Variants in IQCJ observed in about 807,000 individuals in gnomAD.
The protein encoded by IQCJ is IQ motif containing J.
In IQCJ, 9 loss-of-function variants were observed where a neutral mutation model predicts 11.0. That is an observed-to-expected ratio of 0.82 (90% CI 0.49 to 1.43). IQCJ has a LOEUF of 1.43. IQCJ is among the 40% of genes most tolerant of loss of function. IQCJ has a pLI of 0.00. For synonymous variants in IQCJ, 55 were observed against 51.3 expected (o/e 1.07, Z -0.31); for missense variants, 146 against 133.2 (o/e 1.10, Z -0.47).
At chr3:159,223,282 T>C (rs2108124895) in intron 1 of IQCJ, among the ~76,000 whole-genome samples, 1 of 152,014 alleles carries the variant, frequency 6.6e-6, no homozygotes, top group East Asian at 1.9e-4. Flanking sequence ...GAAATAAGTG[T>C]CAAAAAGGAA....
intron 1 of IQCJ, among the ~76,000 whole-genome samples, chr3:159,216,688 C>T (rs990727731): frequency 1.3e-5 from 2 of 150,774 alleles, no homozygotes; most frequent in African/African-American, 5.0e-5. Context: ...GACTGACATA[C>T]ATGCATTTTT....
intron 1 of IQCJ, among the ~76,000 whole-genome samples, chr3:159,193,469 C>T (rs903601694): frequency 3.3e-5 from 5 of 152,068 alleles, no homozygotes; most frequent in African/African-American, 1.2e-4. Flanking sequence ...CTGAGTATAC[C>T]CATATGAGTA....
chr3:159,082,523 C>T (rs968087727), intron 1 of IQCJ, among the ~76,000 whole-genome samples: 12 of 150,568 alleles, frequency 8.0e-5, no homozygotes, highest in African/African-American at 2.5e-4. Context: ...AGTGTTGAGG[C>T]GAGAGGCCCA....
intron 1 of IQCJ, among the ~76,000 whole-genome samples, chr3:159,150,941 C>T (rs1485763360): frequency 1.3e-5 from 2 of 152,150 alleles, no homozygotes; most frequent in African/African-American, 4.8e-5. Flanking sequence ...AATATTGCAG[C>T]CCGTGCCATC....
chr3:159,266,296 A>G (rs954460185), downstream of IQCJ: 10 of 152,232 alleles, frequency 6.6e-5, no homozygotes, highest in Admixed American at 5.9e-4. Context: ...TGCATTTCTA[A>G]GACTGCTTTA....
intron 1 of IQCJ, among the ~76,000 whole-genome samples, chr3:159,100,960 C>A (rs1169435657): frequency 7.8e-5 from 2 of 25,618 alleles, no homozygotes; most frequent in Non-Finnish European, 8.4e-5. Flanking sequence ...GGGCGCCCCT[C>A]CCCCAGCCTC....
At chr3:159,265,639 TAATC>T, downstream of IQCJ, 1 of 411,036 alleles carries the variant, frequency 2.4e-6, no homozygotes, top group East Asian at 3.5e-5. Flanking sequence ...TCTCTGGGTT[TAATC>T]TATTGCTGTT....
At chr3:159,255,484 G>A in intron 3 of IQCJ, among the ~76,000 whole-genome samples, 1 of 152,314 alleles carries the variant, frequency 6.6e-6, no homozygotes, top group Non-Finnish European at 1.5e-5. Flanking sequence ...GGTCTCAGAT[G>A]GTTCCTCGTA....
At chr3:159,136,459 T>A (rs1004475840) in intron 1 of IQCJ, among the ~76,000 whole-genome samples, 16 of 152,198 alleles carry the variant, frequency 1.1e-4, no homozygotes, top group African/African-American at 3.9e-4. Flanking sequence ...AAAATGTTTG[T>A]ATTATATCTA....
At chr3:159,237,866 A>T (rs1477487546) in intron 1 of IQCJ, among the ~76,000 whole-genome samples, 1 of 152,192 alleles carries the variant, frequency 6.6e-6, no homozygotes, top group Non-Finnish European at 1.5e-5. Flanking sequence ...TGATTAGTTA[A>T]GTTTATTGGT....
chr3:159,103,826 A>G (rs1718079483), intron 1 of IQCJ, among the ~76,000 whole-genome samples: 1 of 152,268 alleles, frequency 6.6e-6, no homozygotes, highest in Admixed American at 6.5e-5. Flanking sequence ...TAAATCTGGA[A>G]TAGGTACATT....
Position 159,084,712 on chromosome 3 carries a change from A to T in IQCJ, c.9+15271A>T, listed in dbSNP as rs1000091681. On this transcript the variant is annotated intron_variant, in intron 1 of 3. Transcript: ENST00000397832. ...TTACCTTCCCTCCAGCATGAAAGAA[A>T]AGCACTGAATAAAAGCACAGGAATA... 6.6e-5 allele frequency among the ~76,000 whole-genome samples: 10 copies of T among 152,072 alleles called. 1 individual carries two copies. The highest frequency in any genetic ancestry group is 5.9e-4 in the Admixed American group (9 of 15,256).
intron 1 of IQCJ, among the ~76,000 whole-genome samples, chr3:159,206,925 G>T (rs1247910573): frequency 6.6e-6 from 1 of 152,128 alleles, no homozygotes; most frequent in East Asian, 1.9e-4. Flanking sequence ...AGTTTGAAAG[G>T]TACTGTACCT....
chr3:159,226,657 CTAAA>C (rs1251067324), intron 1 of IQCJ, among the ~76,000 whole-genome samples: 29 of 152,100 alleles, frequency 1.9e-4, no homozygotes, highest in African/African-American at 7.0e-4. Flanking sequence ...ATGGGTAAGA[CTAAA>C]TAACATTTCA....
chr3:159,192,708 T>C (rs1218102672), intron 1 of IQCJ, among the ~76,000 whole-genome samples: 1 of 152,182 alleles, frequency 6.6e-6, no homozygotes, highest in African/African-American at 2.4e-5. Context: ...TCAGTGGCCA[T>C]TGCCTGGCGT....
chr3:159,231,320 TTA>T (rs1198831079), intron 1 of IQCJ, among the ~76,000 whole-genome samples: 1 of 152,156 alleles, frequency 6.6e-6, no homozygotes, highest in African/African-American at 2.4e-5. Context: ...GTAGAAATCT[TTA>T]TATATGTGTT....
intron 1 of IQCJ, among the ~76,000 whole-genome samples, chr3:159,155,152 A>G (rs1721445787): frequency 1.3e-5 from 2 of 151,480 alleles, no homozygotes; most frequent in South Asian, 4.1e-4. Flanking sequence ...GGCAGCAACC[A>G]GTTATTTATT....
intron 1 of IQCJ, among the ~76,000 whole-genome samples, chr3:159,075,443 G>A (rs144845754): frequency 6.6e-6 from 1 of 152,154 alleles, no homozygotes; most frequent in African/African-American, 2.4e-5. Flanking sequence ...AGATAAGCTG[G>A]TAACATATTG....
intron 1 of IQCJ, among the ~76,000 whole-genome samples, chr3:159,197,535 A>G (rs1025761716): frequency 1.3e-5 from 2 of 152,202 alleles, no homozygotes; most frequent in Non-Finnish European, 2.9e-5. Context: ...GATAATTTGC[A>G]TAGAATATTA....
Sources: allele counts gnomAD v4.1 joint callset (sites outside exome capture counted in the v4.1 genomes callset), GRCh38; gene constraint gnomAD v4.1.1; transcripts MANE v1.5; gene names NCBI Gene and HGNC (gene_info 2026-07-23, HGNC 2026-07-21).